CHD2: variants seen among roughly 807,000 people sequenced by gnomAD.
CHD2 encodes the protein ATP-dependent chromatin remodeler CHD2.
Under a neutral mutation model 243.9 loss-of-function variants are expected in CHD2, and 28 were observed. That is an observed-to-expected ratio of 0.11 (90% CI 0.09 to 0.16). The LOEUF is 0.16. Among genes scored for constraint, CHD2 ranks in the 10% least tolerant of loss-of-function variants. The probability of loss-of-function intolerance (pLI) is 1.00; values close to 1 mark genes in which losing one functional copy is unlikely to be tolerated. For missense variants in CHD2, 1,386 were observed against 2,209.8 expected (o/e 0.63, Z 7.47); for synonymous variants, 775 against 779.0 (o/e 0.99, Z 0.09).
intron 2 of CHD2, among the ~76,000 whole-genome samples, chr15:92,905,335 GA>G (rs1228875416): frequency 2.0e-5 from 3 of 152,258 alleles, no homozygotes; most frequent in South Asian, 2.1e-4. Flanking sequence ...CCTTTACAAG[GA>G]TTTCTGGTTA....
intron 13 of CHD2, 80 bp from the exon 14 acceptor site, chr15:92,953,277 G>A (rs1484731402): frequency 1.8e-6 from 2 of 1,086,970 alleles, no homozygotes; most frequent in Non-Finnish European, 2.8e-6. Context: ...TGAAGCATTG[G>A]TGTCGTTGCT....
intron 8 of CHD2, 80 bp downstream of exon 8, chr15:92,942,035 A>G (rs2053389884): frequency 7.2e-7 from 1 of 1,385,288 alleles, no homozygotes. Flanking sequence ...CTCTAATGTG[A>G]TGAATTTTAG....
At chr15:92,917,349 C>T (rs1044740115) in intron 2 of CHD2, among the ~76,000 whole-genome samples, 4 of 152,020 alleles carry the variant, frequency 2.6e-5, no homozygotes, top group East Asian at 3.9e-4. Flanking sequence ...ACCTGAGGTC[C>T]GGAGTTCAAG....
chr15:93,010,075 A>T (rs919358319), intron 35 of CHD2, among the ~76,000 whole-genome samples: 3 of 152,138 alleles, frequency 2.0e-5, no homozygotes, highest in Admixed American at 6.5e-5. Flanking sequence ...CTTTGCATCC[A>T]ATGTTTGGTT....
At chr15:92,978,905 G>A (rs1172035955) in intron 21 of CHD2, among the ~76,000 whole-genome samples, 1 of 152,152 alleles carries the variant, frequency 6.6e-6, no homozygotes, top group Non-Finnish European at 1.5e-5. Flanking sequence ...AGGCCATAAC[G>A]ACAGATCTTT....
chr15:92,911,536 G>A (rs1469501475), intron 2 of CHD2, among the ~76,000 whole-genome samples: 1 of 152,122 alleles, frequency 6.6e-6, no homozygotes, highest in African/African-American at 2.4e-5. Flanking sequence ...CCAGGAGTTC[G>A]AGACCAGCCT....
At chr15:92,941,284 G>C (rs1000266845) in intron 7 of CHD2, among the ~76,000 whole-genome samples, 1 of 151,822 alleles carries the variant, frequency 6.6e-6, no homozygotes, top group Admixed American at 6.6e-5. Context: ...GAGCCTCCGC[G>C]CCTAGCCAAT....
chr15:92,997,707 T>G lies in CHD2; in HGVS notation c.3885+304T>G. 4.9e-6 allele frequency: 1 copy of G among 205,178 alleles called. No homozygotes were observed. Among genetic ancestry groups the G allele is most frequent in the Non-Finnish European group, 9.7e-6 (1 of 103,090 alleles). 12.7% of individuals were successfully genotyped at this position (205,178 alleles called of 1,614,324 possible). A position where few individuals can be genotyped will look rare whatever the true frequency, so the allele number is the denominator to read the frequency against. On this transcript the variant is annotated intron_variant, in intron 30 of 38. Coordinates refer to ENST00000394196, the MANE Select transcript of CHD2 (RefSeq NM_001271.4). The surrounding 1 kb of genome is among the most constrained non-coding windows in gnomAD (Gnocchi z 4.1). ...GGTGAGTTTGTTAATGATAAAAGCATTCCTTGGCCTTAGTTATTGGCCCTT... is the reference window on the plus strand; with the variant it reads ...GGTGAGTTTGTTAATGATAAAAGCAGTCCTTGGCCTTAGTTATTGGCCCTT...
At chr15:92,901,145 C>A (rs2052523293) in intron 1 of CHD2, 22 bp from the exon 2 acceptor site, 2 of 749,390 alleles carry the variant, frequency 2.7e-6, no homozygotes, top group Non-Finnish European at 4.7e-6. Context: ...CGGGACCTTA[C>A]CTTTCTTTCA....
intron 26 of CHD2, among the ~76,000 whole-genome samples, chr15:92,990,202 A>G (rs1474275210): frequency 6.6e-6 from 1 of 152,150 alleles, no homozygotes; most frequent in Non-Finnish European, 1.5e-5. Context: ...GGGCTTTTGG[A>G]GAACTCTCAA....
intron 25 of CHD2, among the ~76,000 whole-genome samples, chr15:92,985,029 A>T (rs2054024285): frequency 6.6e-6 from 1 of 152,230 alleles, no homozygotes; most frequent in Non-Finnish European, 1.5e-5. Context: ...GGTAATAGAC[A>T]CAGATTTGTT....
chr15:92,935,077 C>T (rs1291765930), intron 5 of CHD2, among the ~76,000 whole-genome samples: 2 of 150,680 alleles, frequency 1.3e-5, no homozygotes, highest in East Asian at 3.9e-4. Flanking sequence ...GCTTTGTCAC[C>T]TAGGCTGGAG....
intron 2 of CHD2, chr15:92,902,515 G>GT (rs1316180471): frequency 9.1e-6 from 2 of 219,786 alleles, no homozygotes; most frequent in African/African-American, 4.5e-5. Flanking sequence ...AACATGATGT[G>GT]TTACTAATAT....
chr15:93,001,908 C>T (rs769395304), intron 32 of CHD2, among the ~76,000 whole-genome samples: 2 of 152,020 alleles, frequency 1.3e-5, no homozygotes, highest in Admixed American at 6.5e-5. Flanking sequence ...AGTTTCCATC[C>T]GTGAAATGAG....
At chr15:93,017,063 C>T (rs2054471473) in intron 37 of CHD2, among the ~76,000 whole-genome samples, 1 of 152,136 alleles carries the variant, frequency 6.6e-6, no homozygotes, top group Non-Finnish European at 1.5e-5. Context: ...AAGGGAAATA[C>T]ACACCGATTG....
chr15:93,023,668 G>T (rs979528426), intron 38 of CHD2, among the ~76,000 whole-genome samples: 5 of 138,218 alleles, frequency 3.6e-5, no homozygotes, highest in South Asian at 2.3e-4. Flanking sequence ...TATTTCCTGG[G>T]TTTTTTTTTT....
At chr15:93,006,860 G>T (rs1048334946) in intron 34 of CHD2, among the ~76,000 whole-genome samples, 5 of 152,184 alleles carry the variant, frequency 3.3e-5, no homozygotes, top group Non-Finnish European at 5.9e-5. Context: ...CATTTGTTGA[G>T]ATTTATCTAT....
At chr15:92,979,407 C>A in intron 22 of CHD2, 124 bp downstream of exon 22, 1 of 1,166,632 alleles carries the variant, frequency 8.6e-7, no homozygotes, top group Non-Finnish European at 1.2e-6. Context: ...CAGGCCAGAA[C>A]CACAAATAGG....
chr15:92,965,740 G>T (rs2053753388), intron 16 of CHD2, among the ~76,000 whole-genome samples: 1 of 152,090 alleles, frequency 6.6e-6, no homozygotes, highest in African/African-American at 2.4e-5. Flanking sequence ...AGTGTGTGTA[G>T]ATCAAGAACT....
Sources: allele counts gnomAD v4.1 joint callset (sites outside exome capture counted in the v4.1 genomes callset), GRCh38; gene constraint gnomAD v4.1.1; non-coding constraint Gnocchi (gnomAD v3.1); transcripts MANE v1.5; gene names NCBI Gene and HGNC (gene_info 2026-07-23, HGNC 2026-07-21).